The following CLIC5 variants were observed in gnomAD, a reference collection of about 807,000 sequenced individuals.
The protein encoded by CLIC5 is CLIC family member 5, also known as chloride intracellular channel protein 5.
CLIC5 carries 20 observed loss-of-function variants against 24.7 expected under a neutral mutation model. That is an observed-to-expected ratio of 0.81 (90% CI 0.57 to 1.18). CLIC5 has a LOEUF of 1.18. Ranked by LOEUF, CLIC5 falls within the 50% of genes most tolerant of loss-of-function variation. CLIC5 has a pLI of 0.00. For synonymous variants in CLIC5, 159 were observed against 135.6 expected, an observed-to-expected ratio of 1.17 and a Z score of -1.20; for missense variants, 341 against 326.1, an observed-to-expected ratio of 1.05 and a Z score of -0.35.
intron 1 of CLIC5, among the ~76,000 whole-genome samples, chr6:46,054,194 G>A (rs1354227222): frequency 6.6e-6 from 1 of 152,152 alleles, no homozygotes; most frequent in Non-Finnish European, 1.5e-5. Context: ...CAACCTGAAA[G>A]ATCTAGTTGG....
At chr6:46,016,843 G>A (rs147884664), upstream of CLIC5, among the ~76,000 whole-genome samples, 874 of 152,254 alleles carry the variant, frequency 5.7e-3, 6 homozygotes, top group African/African-American at 0.02. Flanking sequence ...TTGGTGTCTG[G>A]CTTCTTTCGC....
At position 45,942,010 on chromosome 6, in the gene CLIC5, G is replaced by T. The variant is rs189548383; in HGVS notation, c.300-357C>A. Among the ~76,000 whole-genome samples the T allele has an allele frequency of 6.4e-4, 98 of 152,216 alleles. 1 individual carries two copies. The highest frequency in any genetic ancestry group is 2.1e-4 in the South Asian group (1 of 4,814). ...CCCTCTGAGCTTGCCTCTCTATCTG[G>T]TAGGGTTCTCAACACTTCCCTTACC... is the stretch of plus-strand genomic sequence containing the variant. On this transcript the variant is annotated intron_variant, in intron 3 of 5. Transcript: ENST00000339561.
chr6:46,054,364 C>A (rs948982031), intron 1 of CLIC5, among the ~76,000 whole-genome samples: 8 of 152,152 alleles, frequency 5.3e-5, no homozygotes, highest in Non-Finnish European at 7.4e-5. Context: ...CTCAGATTCT[C>A]CCTGCCACAG....
intron 1 of CLIC5, among the ~76,000 whole-genome samples, chr6:46,035,579 T>C (rs772286701): frequency 2.0e-5 from 3 of 152,192 alleles, no homozygotes; most frequent in Non-Finnish European, 1.5e-5. Context: ...ACATCAAAAC[T>C]GCACACAGTC....
intron 1 of CLIC5, among the ~76,000 whole-genome samples, chr6:45,971,456 A>C (rs142537944): frequency 2.8e-4 from 42 of 152,298 alleles, no homozygotes; most frequent in Non-Finnish European, 4.7e-4. Flanking sequence ...GGTGAGCCAA[A>C]GTCCCAACCT....
chr6:46,098,061 T>G, the CLIC5 span, among the ~76,000 whole-genome samples: 104 of 152,316 alleles, frequency 6.8e-4, 1 homozygote, highest in East Asian at 0.019. Flanking sequence ...GAGGGAGGCC[T>G]GGGCAATGGT....
At chr6:46,009,299 T>C (rs976427222) in intron 1 of CLIC5, among the ~76,000 whole-genome samples, 1 of 152,142 alleles carries the variant, frequency 6.6e-6, no homozygotes, top group Admixed American at 6.5e-5. Flanking sequence ...ATCTTATTTG[T>C]CCTTAAAGAA....
chr6:45,897,465 T>A (rs1762409092), downstream of CLIC5, among the ~76,000 whole-genome samples: 1 of 152,078 alleles, frequency 6.6e-6, no homozygotes, highest in South Asian at 2.1e-4. Flanking sequence ...GGTGGACTCC[T>A]GACCCAATCA....
chr6:46,077,598 T>G (rs1562040321), intron 1 of CLIC5, among the ~76,000 whole-genome samples: 1 of 152,048 alleles, frequency 6.6e-6, no homozygotes, highest in Non-Finnish European at 1.5e-5. Context: ...GGAACTTCAG[T>G]GAAGATAGGG....
intron 1 of CLIC5, among the ~76,000 whole-genome samples, chr6:45,984,425 G>T (rs1029911208): frequency 2.6e-5 from 4 of 152,246 alleles, no homozygotes; most frequent in Non-Finnish European, 5.9e-5. Context: ...ACTTCTACCC[G>T]GCTGTGTGGC....
At position 46,000,765 on chromosome 6, in the gene CLIC5, G is replaced by A. The variant is rs184289254; in HGVS notation, c.63+14715C>T. On this transcript the variant is annotated intron_variant, in intron 1 of 5. Transcript: ENST00000339561. ...CTCACTATCACGAGAACAGCATGGG[G>A]GAAACAACCCCCAAGATTCAATTAC... Among the ~76,000 whole-genome samples, 24 of 152,192 alleles carry A rather than the reference G, an allele frequency of 1.6e-4. No homozygotes were observed. In the East Asian group the frequency reaches 4.3e-3, roughly 27 times the overall value.
intron 1 of CLIC5, among the ~76,000 whole-genome samples, chr6:45,956,838 G>A (rs933579889): frequency 2.7e-4 from 41 of 152,252 alleles, no homozygotes; most frequent in African/African-American, 7.9e-4. Flanking sequence ...CACGGACTCC[G>A]TTATATAAAA....
chr6:46,076,698 C>G (rs1211858302), intron 1 of CLIC5, among the ~76,000 whole-genome samples: 1 of 152,194 alleles, frequency 6.6e-6, no homozygotes, highest in Non-Finnish European at 1.5e-5. Context: ...TTCTTTTAAT[C>G]CACTAAGTTT....
chr6:46,103,977 C>A, the CLIC5 span, among the ~76,000 whole-genome samples: 7 of 152,040 alleles, frequency 4.6e-5, no homozygotes, highest in Non-Finnish European at 1.0e-4. Flanking sequence ...TTTTCACCTG[C>A]AAGGTTTTGA....
chr6:45,954,316 A>C lies in CLIC5; in HGVS notation c.173+819T>G, dbSNP rs145074099. Among the ~76,000 whole-genome samples the C allele has an allele frequency of 5.1e-3, 778 of 152,084 alleles. 7 individuals are homozygous for C. Among genetic ancestry groups the C allele is most frequent in the Middle Eastern group, 0.027 (8 of 292 alleles). ...AGAAAGAAAAGAAAATAGAAGAAAAAAGGAGTTCAAGAAGAGCTCAACTCA... is the reference window on the plus strand; with the variant it reads ...AGAAAGAAAAGAAAATAGAAGAAAACAGGAGTTCAAGAAGAGCTCAACTCA... On this transcript the variant is annotated intron_variant, in intron 2 of 5. Transcript: ENST00000339561.
At chr6:45,958,449 T>TACACACACACACACACAC (rs1561964569) in intron 1 of CLIC5, among the ~76,000 whole-genome samples, 1 of 24,240 alleles carries the variant, frequency 4.1e-5, no homozygotes, top group Non-Finnish European at 2.3e-4. Context: ...TATATATATA[T>TACACACACACACACACAC]ATATATATAT....
intron 2 of CLIC5, among the ~76,000 whole-genome samples, chr6:45,952,051 G>T (rs753370468): frequency 1.9e-4 from 29 of 152,150 alleles, no homozygotes; most frequent in Non-Finnish European, 3.7e-4. Context: ...GTTTTTTAGA[G>T]CTGACACAAG....
At chr6:45,940,851 G>T (rs928941485) in intron 4 of CLIC5, among the ~76,000 whole-genome samples, 4 of 152,190 alleles carry the variant, frequency 2.6e-5, no homozygotes, top group African/African-American at 9.6e-5. Flanking sequence ...CATTCAAATG[G>T]CTTTAGGTAA....
intron 1 of CLIC5, among the ~76,000 whole-genome samples, chr6:46,046,559 T>C (rs1225724314): frequency 6.6e-6 from 1 of 152,230 alleles, no homozygotes; most frequent in African/African-American, 2.4e-5. Flanking sequence ...GTGTGGTCAC[T>C]TAAGAGACCC....
Sources: gnomAD v4.1 joint callset for allele counts (sites outside exome capture counted in the v4.1 genomes callset) on GRCh38, gnomAD v4.1.1 for gene constraint, MANE v1.5 for transcripts, NCBI Gene and HGNC (gene_info 2026-07-23, HGNC 2026-07-21) for gene names.